KIAA1549L: variants seen among roughly 807,000 people sequenced by gnomAD.
The protein encoded by KIAA1549L is UPF0606 protein KIAA1549L.
Under a neutral mutation model 160.7 loss-of-function variants are expected in KIAA1549L, and 88 were observed. The observed-to-expected ratio is 0.55, with a 90% CI of 0.46 to 0.65. The LOEUF (loss-of-function observed/expected upper bound fraction) is 0.65. Ranked by LOEUF, KIAA1549L falls within the 30% of genes least tolerant of loss-of-function variation. KIAA1549L has a pLI of 0.00. For missense variants in KIAA1549L, 2,258 were observed against 2,437.5 expected (o/e 0.93, Z 1.55); for synonymous variants, 950 against 976.7 (o/e 0.97, Z 0.51).
At chr11:33,486,147 C>T (rs1343987810) in intron 1 of KIAA1549L, among the ~76,000 whole-genome samples, 1 of 152,100 alleles carries the variant, frequency 6.6e-6, no homozygotes, top group African/African-American at 2.4e-5. Context: ...CACAATGAAA[C>T]ATCACCCTAT....
At chr11:33,664,479 C>G (rs747811039) in intron 20 of KIAA1549L, among the ~76,000 whole-genome samples, 1 of 152,210 alleles carries the variant, frequency 6.6e-6, no homozygotes, top group Non-Finnish European at 1.5e-5. Flanking sequence ...GAGTCATCAC[C>G]CCATCCAATT....
At chr11:33,583,703 A>G (rs988224483) in intron 11 of KIAA1549L, among the ~76,000 whole-genome samples, 1 of 152,186 alleles carries the variant, frequency 6.6e-6, no homozygotes, top group Non-Finnish European at 1.5e-5. Flanking sequence ...CAGTGCTTCC[A>G]AGTGTTTTAT....
chr11:33,615,351 A>G (rs1226295023), intron 15 of KIAA1549L, among the ~76,000 whole-genome samples: 1 of 152,220 alleles, frequency 6.6e-6, no homozygotes, highest in Non-Finnish European at 1.5e-5. Context: ...ATTAACCAGC[A>G]AGTAAAACTC....
At chr11:33,644,616 T>C (rs987075105) in intron 16 of KIAA1549L, among the ~76,000 whole-genome samples, 7 of 152,278 alleles carry the variant, frequency 4.6e-5, no homozygotes, top group African/African-American at 1.7e-4. Flanking sequence ...TGAGGCAGTA[T>C]TATCCTCATT....
chr11:33,570,641 C>T (rs1032167750), intron 9 of KIAA1549L, among the ~76,000 whole-genome samples: 3 of 152,168 alleles, frequency 2.0e-5, no homozygotes, highest in Admixed American at 2.0e-4. Flanking sequence ...TGAGGCCTTT[C>T]TTCTAGGCTT....
intron 10 of KIAA1549L, among the ~76,000 whole-genome samples, chr11:33,581,334 C>A (rs117501217): frequency 1.3e-5 from 2 of 151,798 alleles, no homozygotes; most frequent in African/African-American, 4.8e-5. Flanking sequence ...ATTTGCTGTA[C>A]GTGAGAATAA....
In KIAA1549L at chr11:33,542,197, A is replaced by C; in HGVS notation, c.634A>C (p.Thr212Pro). Residue 212 changes from threonine (T) to proline (P), a missense_variant, in exon 2 of 21, where the codon ACA becomes CCA. Physicochemically the swap from Thr to Pro is conservative, Grantham distance 38 (BLOSUM62 -1). Transcript: ENST00000658780. ...LPSLSTVPSG[T>P]SFSAVPPSQP... ...CTCGTTGTCCACAGTCCCATCAGGG[A>C]CATCCTTCAGTGCTGTCCCCCCATC... 1.5e-6 allele frequency: 1 copy of C among 646,698 alleles called. No individual in the cohort carries two copies. Among genetic ancestry groups the C allele is most frequent in the Non-Finnish European group, 2.9e-6 (1 of 348,524 alleles). The allele number at this position is 646,698 out of a possible 1,614,324, so 40.1% of individuals were successfully genotyped here.
chr11:33,652,022 AG>A (rs945755966), intron 17 of KIAA1549L, among the ~76,000 whole-genome samples: 2 of 149,012 alleles, frequency 1.3e-5, no homozygotes, highest in Non-Finnish European at 3.0e-5. Flanking sequence ...AGCCTCCTTC[AG>A]CCTCAGAGAC....
At chr11:33,573,099 T>C (rs7107818) in intron 9 of KIAA1549L, among the ~76,000 whole-genome samples, 14,527 of 152,258 alleles carry the variant, frequency 0.095, 2,325 homozygotes, top group African/African-American at 0.33. Context: ...TGATCAGCTC[T>C]TTTGCCCATT....
chr11:33,582,354 T>C (rs906799031), intron 10 of KIAA1549L, among the ~76,000 whole-genome samples: 2 of 152,310 alleles, frequency 1.3e-5, no homozygotes, highest in South Asian at 4.1e-4. Context: ...TCTCACCACG[T>C]GGCACTTACT....
intron 1 of KIAA1549L, among the ~76,000 whole-genome samples, chr11:33,436,230 T>C (rs913934129): frequency 6.6e-6 from 1 of 152,038 alleles, no homozygotes; most frequent in African/African-American, 2.4e-5. Flanking sequence ...AAACGTAATA[T>C]GCATAATACA....
intron 13 of KIAA1549L, 129 bp downstream of exon 13, chr11:33,599,076 C>A: frequency 9.0e-7 from 1 of 1,116,086 alleles, no homozygotes; most frequent in Non-Finnish European, 1.3e-6. Context: ...TCTTTCTATT[C>A]TGCCCCACAA....
At chr11:33,386,226 A>T (rs1850170244) in intron 1 of KIAA1549L, among the ~76,000 whole-genome samples, 2 of 152,216 alleles carry the variant, frequency 1.3e-5, no homozygotes, top group African/African-American at 4.8e-5. Flanking sequence ...TTTGTTTCAC[A>T]GAGGCCCTTT....
chr11:33,634,524 A>G lies in KIAA1549L; in HGVS notation c.5410-11162A>G, dbSNP rs970921104. On this transcript the variant is annotated intron_variant, in intron 16 of 20. Coordinates refer to ENST00000658780, the MANE Select transcript of KIAA1549L (RefSeq NM_012194.3). Reference sequence around the variant, plus strand: ...GGGACAGTGGTTGCAACTCAAGGCAAATGGATCTTGTGGGCTGCTCAGTAA... The same window carrying G: ...GGGACAGTGGTTGCAACTCAAGGCAGATGGATCTTGTGGGCTGCTCAGTAA... Among the ~76,000 whole-genome samples the G allele has an allele frequency of 3.9e-5, 6 of 152,202 alleles. No individual in the cohort carries two copies. In the South Asian group the frequency reaches 1.2e-3, roughly 32 times the overall value.
Position 33,545,398 on chromosome 11 carries a change from A to T in KIAA1549L, c.3385+20A>T, listed in dbSNP as rs1226467005. On this transcript the variant is annotated intron_variant, in intron 3 of 20. Coordinates refer to ENST00000658780, the MANE Select transcript of KIAA1549L (RefSeq NM_012194.3). ...AGACAGGTATGAGACCACTGTTCTGATCTGAAAGCAGCAAGCCTGGCCTCA... is the reference window on the plus strand; with the variant it reads ...AGACAGGTATGAGACCACTGTTCTGTTCTGAAAGCAGCAAGCCTGGCCTCA... 6.3e-7 allele frequency: 1 copy of T among 1,586,448 alleles called. No homozygotes were observed. The highest frequency in any genetic ancestry group is 1.1e-5 in the South Asian group (1 of 88,714).
intron 1 of KIAA1549L, among the ~76,000 whole-genome samples, chr11:33,470,169 A>T (rs1852148173): frequency 6.6e-6 from 1 of 152,138 alleles, no homozygotes. Context: ...TAGGTTCATG[A>T]TGCATTTTAA....
intron 1 of KIAA1549L, among the ~76,000 whole-genome samples, chr11:33,435,759 GATATAT>G (rs71034686): frequency 0.017 from 254 of 14,948 alleles, 41 homozygotes; most frequent in Middle Eastern, 0.042. Flanking sequence ...GAACCAATAA[GATATAT>G]ATATATATAT....
intron 1 of KIAA1549L, among the ~76,000 whole-genome samples, chr11:33,482,569 CTTT>C (rs397849730): frequency 5.4e-5 from 7 of 130,500 alleles, no homozygotes; most frequent in South Asian, 2.5e-4. Flanking sequence ...ATATGCTATA[CTTT>C]TTTTTTTTTT....
intron 8 of KIAA1549L, among the ~76,000 whole-genome samples, chr11:33,564,184 C>G (rs914650710): frequency 6.6e-6 from 1 of 152,162 alleles, no homozygotes; most frequent in African/African-American, 2.4e-5. Flanking sequence ...TGACCTGTGA[C>G]CACCTTCTGA....
Sources: allele counts gnomAD v4.1 joint callset (sites outside exome capture counted in the v4.1 genomes callset), GRCh38; gene constraint gnomAD v4.1.1; transcripts MANE v1.5; gene names NCBI Gene and HGNC (gene_info 2026-07-23, HGNC 2026-07-21).